The following ACACA variants were observed in gnomAD, a reference collection of about 807,000 sequenced individuals.
The protein encoded by ACACA is acetyl-CoA carboxylase 1.
In ACACA, 103 loss-of-function variants were observed where a neutral mutation model predicts 296.1. The observed-to-expected ratio is 0.35, with a 90% CI of 0.30 to 0.41. The LOEUF (loss-of-function observed/expected upper bound fraction) is 0.41. Among genes scored for constraint, ACACA ranks in the 10% least tolerant of loss-of-function variants. ACACA has a pLI of 1.00. For missense variants in ACACA, 1,554 were observed against 2,989.7 expected (o/e 0.52, Z 11.20); for synonymous variants, 953 against 1,038.6 (o/e 0.92, Z 1.58).
chr17:37,355,118 C>A lies in ACACA; in HGVS notation c.39-15268G>T, dbSNP rs748684630. ...ATTAGCCAGGCATGGTGGCATGCGC[C>A]TGTAATCCCACCTACTTGGGAGGCT... is the stretch of plus-strand genomic sequence containing the variant. On this transcript the variant is annotated intron_variant, in intron 1 of 55. Transcript: ENST00000616317. Among the ~76,000 whole-genome samples the A allele has an allele frequency of 2.2e-4, 33 of 152,152 alleles. 1 individual carries two copies. The highest frequency in any genetic ancestry group is 6.8e-3 in the Middle Eastern group (2 of 294).
At chr17:37,316,333 A>ACACACACACACACACC (rs987022083) in intron 3 of ACACA, among the ~76,000 whole-genome samples, 2 of 149,558 alleles carry the variant, frequency 1.3e-5, no homozygotes, top group African/African-American at 5.0e-5. Flanking sequence ...ACACACACAC[A>ACACACACACACACACC]CCCCTAACTT....
intron 5 of ACACA, among the ~76,000 whole-genome samples, chr17:37,278,850 T>C (rs1443873645): frequency 6.6e-6 from 1 of 152,250 alleles, no homozygotes; most frequent in Non-Finnish European, 1.5e-5. Flanking sequence ...TATTTACTAA[T>C]AATAAATTTA....
chr17:37,135,026 A>G (rs1277985441), intron 45 of ACACA, among the ~76,000 whole-genome samples: 7 of 152,172 alleles, frequency 4.6e-5, no homozygotes, highest in Non-Finnish European at 1.0e-4. Context: ...AGGGGGAGAG[A>G]AAGGAGGAAG....
At chr17:37,358,744 G>A (rs2147576738) in intron 1 of ACACA, among the ~76,000 whole-genome samples, 1 of 152,236 alleles carries the variant, frequency 6.6e-6, no homozygotes, top group South Asian at 2.1e-4. Context: ...TGAACTGTAC[G>A]CCTCCCAGTT....
chr17:37,104,831 A>G (rs1236102864), intron 52 of ACACA, among the ~76,000 whole-genome samples: 2 of 149,746 alleles, frequency 1.3e-5, no homozygotes, highest in Non-Finnish European at 3.0e-5. Context: ...AGTCCTAGCT[A>G]CTTGGGACTG....
intron 42 of ACACA, among the ~76,000 whole-genome samples, chr17:37,158,186 C>A (rs2076326169): frequency 6.6e-6 from 1 of 152,074 alleles, no homozygotes; most frequent in African/African-American, 2.4e-5. Context: ...GGGAAGAACA[C>A]ATTAAAGGAA....
chr17:37,274,426 G>A, intron 8 of ACACA, 127 bp from the exon 9 acceptor site: 1 of 1,047,476 alleles, frequency 9.5e-7, no homozygotes. Flanking sequence ...AAAGAAGGAT[G>A]CCATAAAACC....
intron 24 of ACACA, among the ~76,000 whole-genome samples, chr17:37,239,503 T>C (rs998206938): frequency 6.6e-6 from 1 of 152,180 alleles, no homozygotes; most frequent in Non-Finnish European, 1.5e-5. Context: ...ATCCTGCAGA[T>C]TTTTTTGTGG....
At chr17:37,261,789 G>A (rs2146266271) in intron 11 of ACACA, among the ~76,000 whole-genome samples, 1 of 152,246 alleles carries the variant, frequency 6.6e-6, no homozygotes, top group African/African-American at 2.4e-5. Flanking sequence ...CTAAAAAGGA[G>A]GATTTGATAA....
chr17:37,353,232 A>C (rs571300093), intron 1 of ACACA, among the ~76,000 whole-genome samples: 188 of 152,284 alleles, frequency 1.2e-3, no homozygotes, highest in African/African-American at 4.2e-3. Context: ...ATCTACTGAT[A>C]TTACTCCTAA....
chr17:37,090,597 C>G (rs945008800), intron 54 of ACACA, among the ~76,000 whole-genome samples: 7 of 152,104 alleles, frequency 4.6e-5, no homozygotes, highest in Non-Finnish European at 5.9e-5. Flanking sequence ...TCTCTCAAGG[C>G]CAAACTGCCT....
intron 45 of ACACA, among the ~76,000 whole-genome samples, chr17:37,141,993 G>GT (rs1299240597): frequency 5.1e-5 from 6 of 117,238 alleles, no homozygotes; most frequent in Admixed American, 1.0e-4. Context: ...GCCTGGCCAA[G>GT]TTTTTTTTGT....
At chr17:37,233,411 G>T (rs192782828) in intron 25 of ACACA, among the ~76,000 whole-genome samples, 135 of 152,274 alleles carry the variant, frequency 8.9e-4, no homozygotes, top group African/African-American at 3.2e-3. Flanking sequence ...TTACAAATTA[G>T]AATTTAAGAA....
chr17:37,225,135 A>G (rs372552465), intron 26 of ACACA, 30 bp from the exon 27 acceptor site: 1 of 1,319,354 alleles, frequency 7.6e-7, no homozygotes, highest in Non-Finnish European at 1.1e-6. Flanking sequence ...GGAGGCACAC[A>G]TTCCTCGGAG....
At chr17:37,315,005 C>CT (rs1357957208) in intron 3 of ACACA, among the ~76,000 whole-genome samples, 7 of 120,186 alleles carry the variant, frequency 5.8e-5, no homozygotes, top group African/African-American at 2.4e-4. Flanking sequence ...GTTGCCCAGG[C>CT]TGGAGTGCAA....
At chr17:37,373,507 A>G (rs1404805802) in intron 1 of ACACA, among the ~76,000 whole-genome samples, 2 of 152,116 alleles carry the variant, frequency 1.3e-5, no homozygotes, top group African/African-American at 4.8e-5. Flanking sequence ...TGGCCTCCCA[A>G]CGTGCTGGGA....
chr17:37,363,250 T>C (rs2049482673), intron 1 of ACACA, among the ~76,000 whole-genome samples: 1 of 136,340 alleles, frequency 7.3e-6, no homozygotes, highest in South Asian at 2.6e-4. Context: ...TGGCACGATC[T>C]CGGCTCACTG....
At chr17:37,234,891 T>TC (rs2080034373) in intron 25 of ACACA, 84 bp downstream of exon 25, 1 of 1,494,612 alleles carries the variant, frequency 6.7e-7, no homozygotes, top group African/African-American at 1.4e-5. Context: ...TAGTTTTTTT[T>TC]CTCTGGCCAT....
rs555493440 is a variant in ACACA at position 37,389,360 on chromosome 17, A to G, written c.38+16902T>C. The G allele has an allele frequency of 3.2e-6, 5 of 1,577,846 alleles. No individual in the cohort carries two copies. In the South Asian group the frequency reaches 3.5e-5, roughly 11 times the overall value. On this transcript the variant is annotated intron_variant, in intron 1 of 55. Transcript: ENST00000616317. ...ATCCAAGCCTGACTCTCAGCCCCAG[A>G]AGGAAAGTGTTCTCTGTGTGGTTTA...
Sources: allele counts gnomAD v4.1 joint callset (sites outside exome capture counted in the v4.1 genomes callset), GRCh38; gene constraint gnomAD v4.1.1; transcripts MANE v1.5; gene names NCBI Gene and HGNC (gene_info 2026-07-23, HGNC 2026-07-21).